Variants in SLC4A10 observed in about 807,000 individuals in gnomAD.
The protein encoded by SLC4A10 is solute carrier family 4 member 10.
In SLC4A10, 42 loss-of-function variants were observed where a neutral mutation model predicts 137.7. The ratio of observed to expected loss-of-function variants is 0.30; its 90% CI spans 0.24 to 0.39. The LOEUF is 0.39. Among genes scored for constraint, SLC4A10 ranks in the 10% least tolerant of loss-of-function variants. SLC4A10 has a pLI of 1.00. For missense variants in SLC4A10, 925 were observed against 1,355.0 expected (o/e 0.68, Z 4.98); for synonymous variants, 474 against 464.1 (o/e 1.02, Z -0.27).
At chr2:161,969,099 C>A (rs1209718263) in intron 23 of SLC4A10, among the ~76,000 whole-genome samples, 1 of 152,120 alleles carries the variant, frequency 6.6e-6, no homozygotes, top group Non-Finnish European at 1.5e-5. Flanking sequence ...TGTCTCAGCT[C>A]CCTGAGACTT....
At chr2:161,886,111 T>C (rs1913805) in intron 10 of SLC4A10, among the ~76,000 whole-genome samples, 49,572 of 151,980 alleles carry the variant, frequency 0.33, 8,417 homozygotes, top group Admixed American at 0.4. Flanking sequence ...AATAAATACA[T>C]AAATAACAAT....
At chr2:161,934,298 C>T (rs531411873) in intron 15 of SLC4A10, among the ~76,000 whole-genome samples, 1 of 152,242 alleles carries the variant, frequency 6.6e-6, no homozygotes, top group African/African-American at 2.4e-5. Flanking sequence ...TAACCACCCC[C>T]ACTTGCCTGC....
intron 1 of SLC4A10, among the ~76,000 whole-genome samples, chr2:161,756,686 T>C (rs2049686507): frequency 6.6e-6 from 1 of 152,140 alleles, no homozygotes; most frequent in South Asian, 2.1e-4. Flanking sequence ...AGATGTTACA[T>C]ATGACATCAC....
chr2:161,813,949 C>T (rs938561203), intron 3 of SLC4A10, among the ~76,000 whole-genome samples: 2 of 152,002 alleles, frequency 1.3e-5, no homozygotes, highest in Admixed American at 6.6e-5. Flanking sequence ...AAAGTACCCC[C>T]AGGTGATTCT....
intron 1 of SLC4A10, among the ~76,000 whole-genome samples, chr2:161,761,698 G>A (rs1487639470): frequency 1.3e-5 from 2 of 152,086 alleles, no homozygotes; most frequent in Non-Finnish European, 2.9e-5. Context: ...CCCACTAGGA[G>A]AGATAGTATT....
At chr2:161,909,325 G>A (rs775361177) in intron 15 of SLC4A10, among the ~76,000 whole-genome samples, 1 of 152,028 alleles carries the variant, frequency 6.6e-6, no homozygotes, top group Admixed American at 6.6e-5. Flanking sequence ...AAGTGATCCC[G>A]CATGTTTAAG....
chr2:161,706,867 C>T (rs1030355284), intron 1 of SLC4A10, among the ~76,000 whole-genome samples: 1 of 151,580 alleles, frequency 6.6e-6, no homozygotes, highest in African/African-American at 2.4e-5. Context: ...CTTGCTACGG[C>T]TTTCATGTCA....
At chr2:161,679,530 A>G (rs1318906280) in intron 1 of SLC4A10, among the ~76,000 whole-genome samples, 2 of 152,248 alleles carry the variant, frequency 1.3e-5, no homozygotes, top group Admixed American at 6.6e-5. Flanking sequence ...TAAGTAGTGT[A>G]GGAAGAAGGA....
intron 1 of SLC4A10, among the ~76,000 whole-genome samples, chr2:161,720,021 G>T (rs564002139): frequency 5.9e-5 from 9 of 152,202 alleles, no homozygotes; most frequent in African/African-American, 2.2e-4. Context: ...GGTTTTTATG[G>T]TTTTAGGTCT....
intron 3 of SLC4A10, among the ~76,000 whole-genome samples, chr2:161,829,471 C>G (rs1280644598): frequency 6.6e-6 from 1 of 152,124 alleles, no homozygotes; most frequent in Non-Finnish European, 1.5e-5. Context: ...TGCTTGCCAT[C>G]ATTTAATTAA....
intron 8 of SLC4A10, among the ~76,000 whole-genome samples, chr2:161,878,801 A>G (rs1256921296): frequency 1.3e-5 from 2 of 152,132 alleles, no homozygotes; most frequent in African/African-American, 2.4e-5. Flanking sequence ...GGCAAATGCT[A>G]ATTAAATTAT....
intron 1 of SLC4A10, among the ~76,000 whole-genome samples, chr2:161,660,548 T>A (rs548413824): frequency 6.8e-6 from 1 of 147,728 alleles, no homozygotes. Flanking sequence ...GTTTGTGTAC[T>A]CATCTATATT....
intron 19 of SLC4A10, among the ~76,000 whole-genome samples, chr2:161,953,000 G>A (rs1487937310): frequency 2.6e-5 from 4 of 152,158 alleles, no homozygotes; most frequent in Non-Finnish European, 4.4e-5. Flanking sequence ...TATATCACCA[G>A]ACCACAAGCT....
At chr2:161,895,673 G>A (rs1330186226) in intron 11 of SLC4A10, among the ~76,000 whole-genome samples, 1 of 152,134 alleles carries the variant, frequency 6.6e-6, no homozygotes, top group East Asian at 1.9e-4. Flanking sequence ...GTGATGATGA[G>A]CATTTTTTCA....
intron 1 of SLC4A10, among the ~76,000 whole-genome samples, chr2:161,636,509 C>T (rs548780929): frequency 6.6e-6 from 1 of 152,210 alleles, no homozygotes; most frequent in Non-Finnish European, 1.5e-5. Context: ...ATTCTCCTGC[C>T]TTATCTTGCT....
At chr2:161,667,919 A>G (rs2039261725) in intron 1 of SLC4A10, among the ~76,000 whole-genome samples, 1 of 151,862 alleles carries the variant, frequency 6.6e-6, no homozygotes, top group Non-Finnish European at 1.5e-5. Flanking sequence ...TTAAAATAAC[A>G]ATAGAATAAT....
chr2:161,638,972 C>T (rs945373495), intron 1 of SLC4A10, among the ~76,000 whole-genome samples: 2 of 151,570 alleles, frequency 1.3e-5, no homozygotes, highest in African/African-American at 2.4e-5. Flanking sequence ...AACTCATGGT[C>T]AAAGAAACAC....
At chr2:161,895,854 T>G (rs924646113) in intron 11 of SLC4A10, among the ~76,000 whole-genome samples, 1 of 152,088 alleles carries the variant, frequency 6.6e-6, no homozygotes, top group Admixed American at 6.6e-5. Context: ...TTTCTTCCAT[T>G]TTGTAGGTTG....
At chr2:161,640,656 C>CTTT (rs1170034677) in intron 1 of SLC4A10, among the ~76,000 whole-genome samples, 30 of 53,084 alleles carry the variant, frequency 5.7e-4, no homozygotes, top group African/African-American at 1.7e-3. Context: ...TTCCTTCCTT[C>CTTT]CTTCTTTCTT....
Sources: gnomAD v4.1 joint callset for allele counts (sites outside exome capture counted in the v4.1 genomes callset) on GRCh38, gnomAD v4.1.1 for gene constraint, MANE v1.5 for transcripts, NCBI Gene and HGNC (gene_info 2026-07-23, HGNC 2026-07-21) for gene names.